The following KIAA1549L variants were observed in gnomAD, a reference collection of about 807,000 sequenced individuals.
The protein encoded by KIAA1549L is KIAA1549 like, also known as UPF0606 protein KIAA1549L.
A neutral mutation model predicts 160.7 loss-of-function variants in KIAA1549L; 88 were observed. The ratio of observed to expected loss-of-function variants is 0.55; its 90% confidence interval spans 0.46 to 0.65. The LOEUF (loss-of-function observed/expected upper bound fraction) is 0.65, where lower values mean the gene tolerates loss of function less well. Ranked by LOEUF, KIAA1549L falls within the 30% of genes least tolerant of loss-of-function variation. The pLI, the probability that KIAA1549L is intolerant of heterozygous loss-of-function variation, is 0.00. For missense variants in KIAA1549L, 2,258 were observed against 2,437.5 expected (o/e 0.93, Z 1.55); for synonymous variants, 950 against 976.7 (o/e 0.97, Z 0.51).
intron 1 of KIAA1549L, among the ~76,000 whole-genome samples, chr11:33,496,718 G>C (rs1590288805): frequency 6.6e-6 from 1 of 152,252 alleles, no homozygotes; most frequent in East Asian, 1.9e-4. Flanking sequence ...CTGCTCCACA[G>C]TACAGCCAGA....
At chr11:33,658,939 T>C in intron 19 of KIAA1549L, 41 bp downstream of exon 19, 2 of 1,507,944 alleles carry the variant, frequency 1.3e-6, no homozygotes, top group Non-Finnish European at 1.8e-6. Context: ...CCACCACTGC[T>C]GCTGTGCCCT....
At chr11:33,428,267 A>G (rs1243604425) in intron 1 of KIAA1549L, among the ~76,000 whole-genome samples, 2 of 152,144 alleles carry the variant, frequency 1.3e-5, no homozygotes, top group Admixed American at 1.3e-4. Context: ...TGATTTCCTT[A>G]TATTTCCTTA....
chr11:33,420,860 A>G (rs989140313), intron 1 of KIAA1549L, among the ~76,000 whole-genome samples: 2 of 152,162 alleles, frequency 1.3e-5, no homozygotes, highest in African/African-American at 2.4e-5. Flanking sequence ...ACTGTCTGCA[A>G]TCATCACATT....
intron 16 of KIAA1549L, among the ~76,000 whole-genome samples, chr11:33,627,942 T>TA (rs1851165182): frequency 6.6e-6 from 1 of 151,844 alleles, no homozygotes. Flanking sequence ...AATTTCCCTC[T>TA]ACACACTGCT....
At chr11:33,640,116 G>A (rs1590428362) in intron 16 of KIAA1549L, among the ~76,000 whole-genome samples, 1 of 144,652 alleles carries the variant, frequency 6.9e-6, no homozygotes, top group East Asian at 1.9e-4. Context: ...CTGCATATAT[G>A]TGTGTGTGTT....
At chr11:33,452,557 A>G (rs1315220620) in intron 1 of KIAA1549L, among the ~76,000 whole-genome samples, 1 of 152,212 alleles carries the variant, frequency 6.6e-6, no homozygotes, top group Non-Finnish European at 1.5e-5. Flanking sequence ...GCAGTGAGCC[A>G]AGATCGCACC....
intron 16 of KIAA1549L, among the ~76,000 whole-genome samples, chr11:33,624,733 T>C (rs1345088821): frequency 7.1e-6 from 1 of 141,464 alleles, no homozygotes. Context: ...AGAGATTTTC[T>C]TTTTTTTTTT....
chr11:33,398,634 C>T (rs75869452), intron 1 of KIAA1549L, among the ~76,000 whole-genome samples: 7,266 of 152,316 alleles, frequency 0.048, 263 homozygotes, highest in Middle Eastern at 0.068. Context: ...ACCACATTTT[C>T]GCTCACTCTT....
At chr11:33,638,049 G>A (rs954552044) in intron 16 of KIAA1549L, among the ~76,000 whole-genome samples, 8 of 152,280 alleles carry the variant, frequency 5.3e-5, no homozygotes, top group Admixed American at 3.9e-4. Flanking sequence ...CCTCAGAGAA[G>A]CTTTCCCTGA....
intron 1 of KIAA1549L, among the ~76,000 whole-genome samples, chr11:33,430,041 T>TCCTTCCTCCCTTCCTC (rs1200093248): frequency 2.1e-5 from 3 of 140,374 alleles, no homozygotes; most frequent in African/African-American, 8.4e-5. Context: ...CTTCCTTCCT[T>TCCTTCCTCCCTTCCTC]CCTTCCTCCC....
At chr11:33,406,729 C>A (rs77770195) in intron 1 of KIAA1549L, among the ~76,000 whole-genome samples, 1,916 of 152,306 alleles carry the variant, frequency 0.013, 51 homozygotes, top group African/African-American at 0.044. Flanking sequence ...TCTTTCTTCA[C>A]GAATCTAATT....
intron 11 of KIAA1549L, among the ~76,000 whole-genome samples, chr11:33,585,882 A>G (rs1386839260): frequency 6.6e-6 from 1 of 152,162 alleles, no homozygotes; most frequent in Non-Finnish European, 1.5e-5. Flanking sequence ...AAGCAAATTT[A>G]TGTTCCATGA....
intron 1 of KIAA1549L, among the ~76,000 whole-genome samples, chr11:33,535,511 A>G (rs1209860263): frequency 6.6e-6 from 1 of 151,976 alleles, no homozygotes; most frequent in Non-Finnish European, 1.5e-5. Context: ...GTCTGTACAA[A>G]AAATACAAAA....
chr11:33,513,272 G>A (rs1025888280), intron 1 of KIAA1549L, among the ~76,000 whole-genome samples: 5 of 152,200 alleles, frequency 3.3e-5, no homozygotes, highest in African/African-American at 1.2e-4. Context: ...GTCTTCTCAT[G>A]GAGGAATGGG....
At chr11:33,486,265 C>T (rs529242139) in intron 1 of KIAA1549L, among the ~76,000 whole-genome samples, 1 of 152,064 alleles carries the variant, frequency 6.6e-6, no homozygotes, top group East Asian at 1.9e-4. Flanking sequence ...GTTAGTACAG[C>T]CATTGTGGAA....
chr11:33,493,489 G>A (rs1378868801), intron 1 of KIAA1549L, among the ~76,000 whole-genome samples: 6 of 152,168 alleles, frequency 3.9e-5, no homozygotes, highest in African/African-American at 9.7e-5. Flanking sequence ...TGTGCTGGGG[G>A]CATCTTACAT....
chr11:33,505,043 G>A (rs191734119), intron 1 of KIAA1549L, among the ~76,000 whole-genome samples: 2 of 152,376 alleles, frequency 1.3e-5, no homozygotes, highest in African/African-American at 4.8e-5. Context: ...TGGGATTACA[G>A]GCGTGAGCCA....
chr11:33,552,345 AT>A, intron 6 of KIAA1549L, 104 bp downstream of exon 6: 1 of 1,279,070 alleles, frequency 7.8e-7, no homozygotes, highest in Non-Finnish European at 1.1e-6. Flanking sequence ...CCATGTATAA[AT>A]GTAACTTTGT....
At chr11:33,629,259 A>T (rs2133371693) in intron 16 of KIAA1549L, among the ~76,000 whole-genome samples, 1 of 152,062 alleles carries the variant, frequency 6.6e-6, no homozygotes, top group African/African-American at 2.4e-5. Context: ...TCTGACAATT[A>T]TATGTCTTGG....
Sources: allele counts gnomAD v4.1 joint callset (sites outside exome capture counted in the v4.1 genomes callset), GRCh38; gene constraint gnomAD v4.1.1; transcripts MANE v1.5; gene names NCBI Gene and HGNC (gene_info 2026-07-23, HGNC 2026-07-21).